Variants in RIMS2 observed in about 807,000 individuals in gnomAD.
RIMS2 encodes the protein regulating synaptic membrane exocytosis 2.
Under a neutral mutation model 174.4 loss-of-function variants are expected in RIMS2, and 59 were observed. The observed-to-expected ratio is 0.34, with a 90% CI of 0.27 to 0.42. The LOEUF is 0.42. Ranked by LOEUF, RIMS2 falls within the 10% of genes least tolerant of loss-of-function variation. The probability of loss-of-function intolerance (pLI) is 1.00; values close to 1 mark genes in which losing one functional copy is unlikely to be tolerated. For synonymous variants in RIMS2, 606 were observed against 572.5 expected (o/e 1.06, Z -0.84); for missense variants, 1,620 against 1,666.3 (o/e 0.97, Z 0.48).
intron 3 of RIMS2, among the ~76,000 whole-genome samples, chr8:103,870,318 C>A (rs1175834349): frequency 2.0e-5 from 3 of 151,850 alleles, no homozygotes; most frequent in Non-Finnish European, 4.4e-5. Context: ...GTACCCACAA[C>A]TCAGTGCTAA....
intron 1 of RIMS2, among the ~76,000 whole-genome samples, chr8:103,674,308 T>C (rs2096781698): frequency 6.6e-6 from 1 of 152,202 alleles, no homozygotes; most frequent in African/African-American, 2.4e-5. Context: ...TGCTTCCTCA[T>C]TTTCAGGTAT....
At chr8:103,689,320 G>A (rs2096982624) in intron 1 of RIMS2, among the ~76,000 whole-genome samples, 1 of 151,984 alleles carries the variant, frequency 6.6e-6, no homozygotes, top group Non-Finnish European at 1.5e-5. Context: ...GGGGAAGAAT[G>A]TGTATTCTTC....
rs180984468 is a variant in RIMS2, at chr8:103,594,588, A to G, written c.176+93526A>G. Among the ~76,000 whole-genome samples, 391 of 151,854 alleles carry G rather than the reference A, an allele frequency of 2.6e-3. 2 individuals are homozygous for G. The highest frequency in any genetic ancestry group is 8.9e-3 in the African/African-American group (368 of 41,520). On this transcript the variant is annotated intron_variant, in intron 1 of 23. Transcript: ENST00000504942. The stretch of plus-strand genomic sequence containing the variant: ...TATTTGCTAATTCATGGTTTATAGC[A>G]ATTTTATACAACACGTAAATGGTCT...
chr8:104,245,042 A>G, exon 20 of RIMS2: 1 of 1,613,830 alleles, frequency 6.2e-7, no homozygotes, highest in Non-Finnish European at 8.5e-7. Flanking sequence ...ATGAACAGCT[A>G]CAGCTCAGAA....
intron 19 of RIMS2, among the ~76,000 whole-genome samples, chr8:104,076,941 C>G (rs59495191): frequency 6.6e-6 from 1 of 151,660 alleles, no homozygotes; most frequent in Non-Finnish European, 1.5e-5. Flanking sequence ...CTCAGCCTCC[C>G]GAGTAACTGG....
At chr8:104,175,303 A>T (rs1365058020) in intron 19 of RIMS2, among the ~76,000 whole-genome samples, 1 of 151,972 alleles carries the variant, frequency 6.6e-6, no homozygotes, top group South Asian at 2.1e-4. Context: ...ACTTTAAAAA[A>T]TTTTTTTGTG....
At chr8:103,617,149 G>A (rs903200841) in intron 1 of RIMS2, among the ~76,000 whole-genome samples, 3 of 152,150 alleles carry the variant, frequency 2.0e-5, no homozygotes, top group Non-Finnish European at 4.4e-5. Context: ...CAACCAGCAT[G>A]GTATGGATGT....
chr8:103,846,701 A>T (rs914252137), intron 3 of RIMS2, among the ~76,000 whole-genome samples: 10 of 152,158 alleles, frequency 6.6e-5, no homozygotes, highest in African/African-American at 2.4e-4. Flanking sequence ...GCCTCTGATA[A>T]TTAAATTTAC....
rs565234293 is a variant in RIMS2 at position 103,747,739 on chromosome 8, TG to T, written c.388-18486del. Among the ~76,000 whole-genome samples the T allele has an allele frequency of 3.6e-3, 543 of 152,248 alleles. 10 individuals carry two copies. Among genetic ancestry groups the T allele is most frequent in the Admixed American group, 0.013 (206 of 15,310 alleles). The stretch of plus-strand genomic sequence containing the variant: ...TTTGGCCTGAGGCAAACTGGAAGAA[TG>T]GTAAGTTGCCATTAACTGTTATGGG... On this transcript the variant is annotated intron_variant, in intron 2 of 23. Transcript: ENST00000504942.
chr8:103,891,523 G>C (rs963183850), intron 4 of RIMS2, among the ~76,000 whole-genome samples: 1 of 152,014 alleles, frequency 6.6e-6, no homozygotes, highest in Admixed American at 6.6e-5. Flanking sequence ...TTGCCCAACT[G>C]CACAAAAGAT....
chr8:103,895,691 T>G (rs896899476), intron 4 of RIMS2, among the ~76,000 whole-genome samples: 2 of 151,628 alleles, frequency 1.3e-5, no homozygotes, highest in African/African-American at 2.4e-5. Flanking sequence ...CTTATAATTT[T>G]TGGTTGAAAA....
intron 3 of RIMS2, among the ~76,000 whole-genome samples, chr8:103,882,145 T>C (rs916721765): frequency 2.0e-5 from 3 of 151,428 alleles, no homozygotes; most frequent in African/African-American, 4.8e-5. Context: ...AATATACAAA[T>C]TATCAATGAT....
At chr8:103,602,348 T>C (rs1328098114) in intron 1 of RIMS2, among the ~76,000 whole-genome samples, 2 of 152,164 alleles carry the variant, frequency 1.3e-5, no homozygotes, top group Admixed American at 6.5e-5. Context: ...CAGGTTTTTA[T>C]ATAGGTAAAC....
intron 1 of RIMS2, among the ~76,000 whole-genome samples, chr8:103,557,411 C>T (rs1421113718): frequency 1.3e-5 from 2 of 152,180 alleles, no homozygotes; most frequent in Non-Finnish European, 2.9e-5. Context: ...TCCATGTGTT[C>T]ATTCTGATTT....
intron 1 of RIMS2, among the ~76,000 whole-genome samples, chr8:103,595,697 G>T (rs2094454819): frequency 6.6e-6 from 1 of 151,900 alleles, no homozygotes; most frequent in African/African-American, 2.4e-5. Context: ...GGGTCAGTCA[G>T]TTCATTCTTC....
chr8:104,003,653 A>G (rs1248394466), intron 17 of RIMS2, among the ~76,000 whole-genome samples: 1 of 152,100 alleles, frequency 6.6e-6, no homozygotes, highest in Non-Finnish European at 1.5e-5. Flanking sequence ...ACCTCAGGTG[A>G]TCCGCCTGCT....
intron 12 of RIMS2, among the ~76,000 whole-genome samples, chr8:103,932,766 T>G (rs1389393470): frequency 6.6e-6 from 1 of 152,338 alleles, no homozygotes; most frequent in Non-Finnish European, 1.5e-5. Flanking sequence ...AGAGCTAAAA[T>G]GGAAGCTCTT....
At chr8:104,115,781 T>G (rs2098269494) in intron 19 of RIMS2, among the ~76,000 whole-genome samples, 1 of 152,144 alleles carries the variant, frequency 6.6e-6, no homozygotes, top group African/African-American at 2.4e-5. Context: ...AGCTGGAGAA[T>G]GTATGCACCC....
At chr8:104,050,554 GA>G (rs759883729) in intron 19 of RIMS2, among the ~76,000 whole-genome samples, 243 of 152,170 alleles carry the variant, frequency 1.6e-3, no homozygotes, top group Middle Eastern at 3.4e-3. Flanking sequence ...TCATACTAAA[GA>G]CCATTAAACA....
Sources: allele counts gnomAD v4.1 joint callset (sites outside exome capture counted in the v4.1 genomes callset), GRCh38; gene constraint gnomAD v4.1.1; transcripts MANE v1.5; gene names NCBI Gene and HGNC (gene_info 2026-07-23, HGNC 2026-07-21).